Variants in RORA observed in about 807,000 individuals in gnomAD.
RORA encodes RAR related orphan receptor A, also known as nuclear receptor ROR-alpha.
RORA carries 7 observed loss-of-function variants against 69.5 expected under a neutral mutation model. The ratio of observed to expected loss-of-function variants is 0.10; its 90% confidence interval spans 0.06 to 0.19. The LOEUF (loss-of-function observed/expected upper bound fraction) is 0.19, where lower values mean the gene tolerates loss of function less well. RORA is among the 10% of genes least tolerant of loss of function. The probability of loss-of-function intolerance (pLI) is 1.00; values close to 1 mark genes in which losing one functional copy is unlikely to be tolerated. For missense variants in RORA, 457 were observed against 663.0 expected (o/e 0.69, Z 3.41); for synonymous variants, 261 against 240.8 (o/e 1.08, Z -0.78).
chr15:60,531,826 C>T lies in RORA; in HGVS notation c.222G>A (p.Lys74=). The T allele has an allele frequency of 6.3e-7, 1 of 1,597,974 alleles. No homozygotes were observed. Among genetic ancestry groups the T allele is most frequent in the Non-Finnish European group, 8.5e-7 (1 of 1,174,286 alleles). Residue 74 remains lysine (K), a synonymous_variant, in exon 3 of 11, where the codon AAG becomes AAA. Transcript: ENST00000335670. This position sits in a 1 kb window ranked among gnomAD's most constrained non-coding sequence, Gnocchi z 4.8. ...HTSQIEIIPC[K]ICGDKSSGIH... ...TTCCTGATGATTTGTCTCCACAGAT[C>T]TTGCATGGAATAATTTCAATTTGAG...
chr15:60,965,473 A>G (rs1893529068), intron 1 of RORA, among the ~76,000 whole-genome samples: 1 of 152,234 alleles, frequency 6.6e-6, no homozygotes, highest in African/African-American at 2.4e-5. Flanking sequence ...AAATTCCAGC[A>G]TTAAGGAAAT....
chr15:61,010,212 G>A (rs774139791), intron 1 of RORA, among the ~76,000 whole-genome samples: 1 of 152,170 alleles, frequency 6.6e-6, no homozygotes, highest in Non-Finnish European at 1.5e-5. Context: ...TAGCTTTTGA[G>A]AGGAAACACT....
intron 1 of RORA, among the ~76,000 whole-genome samples, chr15:60,861,755 G>T (rs768668341): frequency 6.6e-6 from 1 of 152,178 alleles, no homozygotes; most frequent in Non-Finnish European, 1.5e-5. Flanking sequence ...TTGACATTAA[G>T]TGTCCTGGTG....
chr15:60,881,309 G>C (rs1204541305), intron 1 of RORA, among the ~76,000 whole-genome samples: 1 of 152,192 alleles, frequency 6.6e-6, no homozygotes, highest in Admixed American at 6.5e-5. Context: ...CCACTAGAGA[G>C]AGACCCTCAT....
chr15:60,616,272 G>A (rs1265191463), intron 2 of RORA, among the ~76,000 whole-genome samples: 1 of 152,174 alleles, frequency 6.6e-6, no homozygotes, highest in Non-Finnish European at 1.5e-5. Context: ...CCATAAGGGT[G>A]TGTGTGCTCA....
At chr15:61,075,389 G>A (rs2078434417) in intron 1 of RORA, among the ~76,000 whole-genome samples, 1 of 152,104 alleles carries the variant, frequency 6.6e-6, no homozygotes. Context: ...CCTTGTGTTC[G>A]ACCATGCCTT....
intron 1 of RORA, among the ~76,000 whole-genome samples, chr15:61,225,753 G>C (rs1466413010): frequency 6.6e-6 from 1 of 152,110 alleles, no homozygotes; most frequent in African/African-American, 2.4e-5. Context: ...TCTGAAAAAG[G>C]GTTTTTAACA....
chr15:60,852,388 G>A (rs1415961858), intron 1 of RORA, among the ~76,000 whole-genome samples: 1 of 152,184 alleles, frequency 6.6e-6, no homozygotes, highest in Non-Finnish European at 1.5e-5. Context: ...TGGCAAGTTT[G>A]TAATGTTCAC....
intron 2 of RORA, among the ~76,000 whole-genome samples, chr15:60,647,360 A>C (rs150587650): frequency 6.6e-6 from 1 of 152,214 alleles, no homozygotes; most frequent in Non-Finnish European, 1.5e-5. Flanking sequence ...AGACTTATGA[A>C]GCCCTGCATA....
At chr15:61,220,567 T>C (rs2080086118) in intron 1 of RORA, among the ~76,000 whole-genome samples, 1 of 152,184 alleles carries the variant, frequency 6.6e-6, no homozygotes, top group Non-Finnish European at 1.5e-5. Flanking sequence ...CGGAATCACA[T>C]CTGGTTGCCT....
intron 5 of RORA, among the ~76,000 whole-genome samples, chr15:60,508,404 T>C (rs147400225): frequency 6.6e-6 from 1 of 152,322 alleles, no homozygotes; most frequent in African/African-American, 2.4e-5. Context: ...GTCCAAACTG[T>C]CCTTGTTTAA....
At chr15:60,793,877 G>A (rs557851665) in intron 1 of RORA, among the ~76,000 whole-genome samples, 72 of 152,260 alleles carry the variant, frequency 4.7e-4, no homozygotes, top group African/African-American at 1.6e-3. Flanking sequence ...CATTTGAGCC[G>A]TGCAGGCTTT....
chr15:60,918,721 C>T (rs910590171), intron 1 of RORA, among the ~76,000 whole-genome samples: 1 of 151,980 alleles, frequency 6.6e-6, no homozygotes, highest in Non-Finnish European at 1.5e-5. Context: ...TGTAGTTGTG[C>T]AGGTTTGTCC....
At chr15:60,639,008 A>G (rs905851670) in intron 2 of RORA, among the ~76,000 whole-genome samples, 9 of 152,074 alleles carry the variant, frequency 5.9e-5, no homozygotes, top group Admixed American at 1.3e-4. Context: ...GCAATATACT[A>G]TATCTGCGTT....
chr15:60,727,944 C>T (rs2071382328), intron 1 of RORA, among the ~76,000 whole-genome samples: 1 of 152,204 alleles, frequency 6.6e-6, no homozygotes, highest in African/African-American at 2.4e-5. Context: ...CTGGCAAATA[C>T]ACAGTGGACG....
intron 1 of RORA, among the ~76,000 whole-genome samples, chr15:60,687,155 G>A (rs2070762119): frequency 6.6e-6 from 1 of 152,128 alleles, no homozygotes; most frequent in African/African-American, 2.4e-5. Flanking sequence ...TAGAAATTCA[G>A]TTCTAAATTT....
At chr15:60,786,603 G>A (rs926959263) in intron 1 of RORA, among the ~76,000 whole-genome samples, 2 of 152,190 alleles carry the variant, frequency 1.3e-5, no homozygotes, top group African/African-American at 4.8e-5. Context: ...AGTGGATCAC[G>A]TGGCCTCCCT....
Position 60,590,199 on chromosome 15 carries a change from C to CTCTCTCTCTCTCTCTT in RORA, c.197-58349_197-58348insAAGAGAGAGAGAGAGA, listed in dbSNP as rs1251309664. 7.0e-4 allele frequency among the ~76,000 whole-genome samples: 107 copies of CTCTCTCTCTCTCTCTT among 151,868 alleles called. 1 individual carries two copies. Among genetic ancestry groups the CTCTCTCTCTCTCTCTT allele is most frequent in the African/African-American group, 2.4e-3 (99 of 41,348 alleles). On this transcript the variant is annotated intron_variant, in intron 2 of 10. Coordinates refer to ENST00000335670, the MANE Select transcript of RORA (RefSeq NM_134261.3). ...TATCTCTCTCTCTCTCTCTCTCTCT[C>CTCTCTCTCTCTCTCTT]TTTCAGGCAGCTGAGTTTATAGAAA...
At chr15:60,946,895 T>C (rs1245004524) in intron 1 of RORA, among the ~76,000 whole-genome samples, 1 of 149,212 alleles carries the variant, frequency 6.7e-6, no homozygotes, top group Admixed American at 6.7e-5. Context: ...GTCTGGGATG[T>C]GAGGAGCGCC....
Sources: allele counts gnomAD v4.1 joint callset (sites outside exome capture counted in the v4.1 genomes callset), GRCh38; gene constraint gnomAD v4.1.1; non-coding constraint Gnocchi (gnomAD v3.1); transcripts MANE v1.5; gene names NCBI Gene and HGNC (gene_info 2026-07-23, HGNC 2026-07-21).